The following VTCN1 variants were observed in gnomAD, a reference collection of about 807,000 sequenced individuals.
VTCN1 encodes the protein V-set domain containing T cell activation inhibitor 1.
Under a neutral mutation model 26.5 loss-of-function variants are expected in VTCN1, and 26 were observed. The ratio of observed to expected loss-of-function variants is 0.98; its 90% CI spans 0.72 to 1.36. The LOEUF is 1.36. VTCN1 is among the 40% of genes most tolerant of loss of function. VTCN1 has a pLI of 0.00. For missense variants in VTCN1, 298 were observed against 337.7 expected (o/e 0.88, Z 0.92); for synonymous variants, 116 against 130.7 (o/e 0.89, Z 0.77).
chr1:117,204,754 T>A (rs529248575), intron 1 of VTCN1, among the ~76,000 whole-genome samples: 108 of 151,990 alleles, frequency 7.1e-4, no homozygotes, highest in Middle Eastern at 3.4e-3. Context: ...TAGTCCCAGC[T>A]ACTCAGGAGG....
At chr1:117,209,487 G>T (rs548300193) in intron 1 of VTCN1, among the ~76,000 whole-genome samples, 16 of 152,290 alleles carry the variant, frequency 1.1e-4, no homozygotes, top group Non-Finnish European at 2.1e-4. Flanking sequence ...CAGTCATCTG[G>T]CCTTAACTTC....
intron 1 of VTCN1, chr1:117,203,854 T>A: frequency 1.1e-6 from 1 of 905,708 alleles, no homozygotes; most frequent in Non-Finnish European, 1.3e-6. Context: ...CCCCAGAATT[T>A]CTGATTCTTT....
intron 1 of VTCN1, among the ~76,000 whole-genome samples, chr1:117,208,685 G>A (rs901206417): frequency 1.3e-5 from 2 of 152,168 alleles, no homozygotes; most frequent in Admixed American, 6.5e-5. Flanking sequence ...AGCCATGATG[G>A]GGAGAGGGGA....
chr1:117,190,127 C>A (rs749397176), intron 1 of VTCN1, among the ~76,000 whole-genome samples: 3 of 152,226 alleles, frequency 2.0e-5, no homozygotes, highest in Non-Finnish European at 4.4e-5. Flanking sequence ...GCAGATCAGC[C>A]TATGACCCAG....
chr1:117,201,167 G>T (rs1648768955), intron 1 of VTCN1, among the ~76,000 whole-genome samples: 1 of 152,146 alleles, frequency 6.6e-6, no homozygotes, highest in Non-Finnish European at 1.5e-5. Context: ...ATATACTCTT[G>T]AGGGTTAACT....
intron 1 of VTCN1, among the ~76,000 whole-genome samples, chr1:117,176,034 T>A (rs1311399615): frequency 6.6e-6 from 1 of 152,074 alleles, no homozygotes; most frequent in Non-Finnish European, 1.5e-5. Context: ...CCTCCCAAAG[T>A]GCTGGGATTA....
chr1:117,210,725 G>T (rs1649308148), intron 1 of VTCN1, 99 bp downstream of exon 1: 3 of 1,282,282 alleles, frequency 2.3e-6, no homozygotes, highest in Non-Finnish European at 2.3e-6. Context: ...AAAATTACAG[G>T]TGGGGTCCTA....
intron 1 of VTCN1, among the ~76,000 whole-genome samples, chr1:117,193,108 A>G (rs1474693745): frequency 6.6e-6 from 1 of 152,164 alleles, no homozygotes; most frequent in Non-Finnish European, 1.5e-5. Context: ...AGTATATGGG[A>G]GATGTGCATA....
At chr1:117,170,637 T>G (rs1189845193) in intron 1 of VTCN1, among the ~76,000 whole-genome samples, 1 of 152,156 alleles carries the variant, frequency 6.6e-6, no homozygotes, top group African/African-American at 2.4e-5. Context: ...TCTTCTTCAC[T>G]TTGTACCCAC....
intron 3 of VTCN1, among the ~76,000 whole-genome samples, chr1:117,153,672 C>T (rs1651920319): frequency 6.6e-6 from 1 of 152,102 alleles, no homozygotes; most frequent in African/African-American, 2.4e-5. Flanking sequence ...AGAGGAACTT[C>T]AGTGGTCATA....
At chr1:117,205,279 C>T (rs887566978) in intron 1 of VTCN1, among the ~76,000 whole-genome samples, 6 of 151,706 alleles carry the variant, frequency 4.0e-5, no homozygotes, top group African/African-American at 9.7e-5. Flanking sequence ...ACCTCAGTCC[C>T]GAGTAGCTGG....
intron 1 of VTCN1, among the ~76,000 whole-genome samples, chr1:117,188,493 G>A (rs1570978656): frequency 6.6e-6 from 1 of 152,296 alleles, no homozygotes; most frequent in Middle Eastern, 3.4e-3. Context: ...GGCTTCAGAA[G>A]TTTCATCATG....
rs1356971204 is a variant in VTCN1, at chr1:117,170,155, T to C, written c.49A>G (p.Ile17Val). The C allele has an allele frequency of 6.2e-7, 1 of 1,613,740 alleles. No homozygotes were observed. Among genetic ancestry groups the C allele is most frequent in the Non-Finnish European group, 8.5e-7 (1 of 1,179,940 alleles). ...AGTGCAATTGCTCCAGCCAGAATAA[T>C]GATGATGCTAATTATGCTACGGGAA... ...ILFWSIISII[I>V]ILAGAIALII... is the part of the protein sequence containing the mutation. The change falls in exon 2 of 6, where the codon ATT becomes GTT. Residue 17 changes from isoleucine to valine, a missense_variant. Coordinates refer to ENST00000369458, the MANE Select transcript of VTCN1 (RefSeq NM_024626.4).
At chr1:117,182,154 C>A (rs1007230229) in intron 1 of VTCN1, among the ~76,000 whole-genome samples, 1 of 152,182 alleles carries the variant, frequency 6.6e-6, no homozygotes, top group East Asian at 1.9e-4. Context: ...AGCCCATACA[C>A]CTGTCTTAGG....
chr1:117,172,646 C>T (rs996748394), intron 1 of VTCN1, among the ~76,000 whole-genome samples: 5 of 152,178 alleles, frequency 3.3e-5, no homozygotes, highest in Non-Finnish European at 7.3e-5. Context: ...TGTGTCCCCC[C>T]CCACATTCAC....
At chr1:117,193,023 A>G (rs1190371804) in intron 1 of VTCN1, among the ~76,000 whole-genome samples, 1 of 152,158 alleles carries the variant, frequency 6.6e-6, no homozygotes, top group Non-Finnish European at 1.5e-5. Flanking sequence ...AATAAGAATA[A>G]CAATACAGCA....
rs1331965813 is a variant in VTCN1, at chr1:117,147,025, A to G, written c.*45+588T>C. Among the ~76,000 whole-genome samples, 4 of 152,136 alleles carry G rather than the reference A, an allele frequency of 2.6e-5. No homozygotes were observed. The highest frequency in any genetic ancestry group is 5.9e-5 in the Non-Finnish European group (4 of 68,008). On this transcript the variant is annotated intron_variant, in intron 5 of 5. Transcript: ENST00000369458. This position sits in a 1 kb window ranked among gnomAD's most constrained non-coding sequence, Gnocchi z 4.6. ...AATAGCTCTGAGGCTGTAACCCTGGAGGCTTGGTGGGGATGCCACTGAGTA... is the reference window on the plus strand; with the variant it reads ...AATAGCTCTGAGGCTGTAACCCTGGGGGCTTGGTGGGGATGCCACTGAGTA...
At position 117,147,731 on chromosome 1, in the gene VTCN1, G is replaced by C. The variant is rs1035220219; in HGVS notation, c.776C>G (p.Ser259Cys). Residue 259 changes from serine to cysteine, a missense_variant, in exon 5 of 6, where the codon TCT becomes TGT. By Grantham distance (112) the Ser-to-Cys change is moderately radical. Coordinates refer to ENST00000369458, the MANE Select transcript of VTCN1 (RefSeq NM_024626.4). This position sits in a 1 kb window ranked among gnomAD's most constrained non-coding sequence, Gnocchi z 4.6. ...GGCAAAGAAAGAAGAGACACACAGA[G>C]AAGCCTTTGAGTTTAGCAGCTGTAG... ...SHLQLLNSKA[S>C]LCVSSFFAIS... The C allele has an allele frequency of 4.3e-6, 7 of 1,613,988 alleles. No homozygotes were observed. The highest frequency in any genetic ancestry group is 4.2e-6 in the Non-Finnish European group (5 of 1,179,980).
At chr1:117,158,923 G>A (rs1013176042) in intron 2 of VTCN1, among the ~76,000 whole-genome samples, 1 of 152,144 alleles carries the variant, frequency 6.6e-6, no homozygotes, top group South Asian at 2.1e-4. Context: ...CAGTCTCTTT[G>A]TTAAAACATA....
Sources: gnomAD v4.1 joint callset for allele counts (sites outside exome capture counted in the v4.1 genomes callset) on GRCh38, gnomAD v4.1.1 for gene constraint, Gnocchi (gnomAD v3.1) non-coding constraint, MANE v1.5 for transcripts, NCBI Gene and HGNC (gene_info 2026-07-23, HGNC 2026-07-21) for gene names.